The following COL15A1 variants were observed in gnomAD, a reference collection of about 807,000 sequenced individuals.
The protein encoded by COL15A1 is collagen type XV alpha 1 chain, also known as collagen alpha-1(XV) chain.
COL15A1 carries 111 observed loss-of-function variants against 165.9 expected under a neutral mutation model. The observed-to-expected ratio is 0.67, with a 90% CI of 0.57 to 0.78. COL15A1 has a LOEUF of 0.78. Ranked by LOEUF, COL15A1 falls within the 30% of genes least tolerant of loss-of-function variation. The pLI is 0.00. For synonymous variants in COL15A1, 659 were observed against 674.8 expected (o/e 0.98, Z 0.36); for missense variants, 1,745 against 1,789.7 (o/e 0.98, Z 0.45).
chr9:98,991,088 G>A (rs1383592827), intron 5 of COL15A1, among the ~76,000 whole-genome samples: 3 of 152,196 alleles, frequency 2.0e-5, no homozygotes, highest in African/African-American at 7.2e-5. Context: ...CAGGAGTGAA[G>A]CTGCAGACCC....
chr9:99,001,028 C>T (rs763287882), intron 7 of COL15A1, 77 bp downstream of exon 7: 2 of 763,458 alleles, frequency 2.6e-6, no homozygotes, highest in Non-Finnish European at 4.7e-6. Flanking sequence ...GATGATTTTA[C>T]TGAGCACCAG....
At chr9:99,054,348 G>A (rs1021245324) in intron 31 of COL15A1, among the ~76,000 whole-genome samples, 1 of 152,148 alleles carries the variant, frequency 6.6e-6, no homozygotes, top group Admixed American at 6.5e-5. Context: ...TTGCGTTACT[G>A]TGAGCTCTGT....
At chr9:99,061,352 T>C (rs1391796293) in intron 36 of COL15A1, among the ~76,000 whole-genome samples, 1 of 152,266 alleles carries the variant, frequency 6.6e-6, no homozygotes, top group Non-Finnish European at 1.5e-5. Context: ...TGCTATTCAA[T>C]AGATTTTTGT....
intron 39 of COL15A1, among the ~76,000 whole-genome samples, chr9:99,066,015 C>T (rs1175540535): frequency 6.6e-6 from 1 of 152,000 alleles, no homozygotes; most frequent in Admixed American, 6.6e-5. Context: ...TGTCCTTTGG[C>T]TTAAGATATT....
At chr9:98,947,519 T>G (rs760041885) in intron 2 of COL15A1, among the ~76,000 whole-genome samples, 2 of 152,232 alleles carry the variant, frequency 1.3e-5, no homozygotes, top group Admixed American at 6.5e-5. Flanking sequence ...GAATGTAAGC[T>G]ATGCCTCAAT....
chr9:99,062,452 G>A, intron 38 of COL15A1, 148 bp downstream of exon 38: 1 of 670,840 alleles, frequency 1.5e-6, no homozygotes, highest in Non-Finnish European at 2.7e-6. Context: ...ATTAATGGGT[G>A]CTAACAGGAG....
At chr9:98,947,196 T>A (rs538879246) in intron 2 of COL15A1, among the ~76,000 whole-genome samples, 2 of 152,276 alleles carry the variant, frequency 1.3e-5, no homozygotes, top group East Asian at 3.9e-4. Context: ...ATCCATTTAA[T>A]GGAATACTAC....
At chr9:98,951,942 G>C (rs553632544) in intron 2 of COL15A1, among the ~76,000 whole-genome samples, 19 of 152,320 alleles carry the variant, frequency 1.2e-4, no homozygotes, top group African/African-American at 4.6e-4. Flanking sequence ...CTGGGAAGCT[G>C]TCTCTCCTCT....
At chr9:98,950,693 C>T (rs1564004894) in intron 2 of COL15A1, among the ~76,000 whole-genome samples, 1 of 151,234 alleles carries the variant, frequency 6.6e-6, no homozygotes, top group Non-Finnish European at 1.5e-5. Flanking sequence ...TGGCTCACTG[C>T]AACCTCCACC....
rs143075851 is a variant in COL15A1 at position 98,989,330 on chromosome 9, C to G, written c.804+72C>G. On this transcript the variant is annotated intron_variant, in intron 5 of 41. Coordinates refer to ENST00000375001, the MANE Select transcript of COL15A1 (RefSeq NM_001855.5). The stretch of plus-strand genomic sequence containing the variant: ...AGGCTGAGAATTACTAGAGGGGGCC[C>G]AGAGTCCTGGGTCTGACCTCTTTGT... 7.1e-6 allele frequency: 9 copies of G among 1,259,650 alleles called. No individual in the cohort carries two copies. The African/African-American group carries it at 8.9e-5, about 12-fold the overall frequency. 78.0% of individuals were successfully genotyped at this position (1,259,650 alleles called of 1,614,324 possible).
At chr9:99,025,057 G>T in intron 15 of COL15A1, 58 bp downstream of exon 15, 6 of 1,556,342 alleles carry the variant, frequency 3.9e-6, no homozygotes, top group South Asian at 3.4e-5. Context: ...TTTAGCAGGG[G>T]AGGGGTGTAC....
At chr9:99,015,387 G>T (rs905967653) in intron 9 of COL15A1, 30 bp from the exon 10 acceptor site, 2 of 1,572,674 alleles carry the variant, frequency 1.3e-6, no homozygotes, top group Non-Finnish European at 1.7e-6. Flanking sequence ...GGGCGAAGGG[G>T]CACAGCTCCT....
intron 9 of COL15A1, among the ~76,000 whole-genome samples, chr9:99,005,952 T>A (rs994292702): frequency 6.6e-6 from 1 of 152,218 alleles, no homozygotes; most frequent in Admixed American, 6.5e-5. Flanking sequence ...TACCTAGCCT[T>A]GCTGACCACC....
chr9:99,059,779 G>A (rs1312761752), intron 35 of COL15A1, 110 bp from the exon 36 acceptor site: 1 of 1,204,512 alleles, frequency 8.3e-7, no homozygotes, highest in African/African-American at 1.5e-5. Context: ...GGGATGCTTT[G>A]TGGCGCTGTG....
At position 98,999,135 on chromosome 9, in the gene COL15A1, G is replaced by A. The variant is rs1238869868; in HGVS notation, c.953-1704G>A. ...TGGGACAGGAGTGGGTGGGGAGGGGGGCAGAGTCCTTTGGAGGATTTGGCA... is the reference window on the plus strand; with the variant it reads ...TGGGACAGGAGTGGGTGGGGAGGGGAGCAGAGTCCTTTGGAGGATTTGGCA... On this transcript the variant is annotated intron_variant, in intron 6 of 41. Coordinates refer to ENST00000375001, the MANE Select transcript of COL15A1 (RefSeq NM_001855.5). Among the ~76,000 whole-genome samples the A allele has an allele frequency of 3.3e-5, 5 of 152,214 alleles. No individual in the cohort carries two copies. In the East Asian group the frequency reaches 7.7e-4, roughly 23 times the overall value.
chr9:99,054,579 T>C lies in COL15A1; in HGVS notation c.2954T>C (p.Val985Ala), dbSNP rs377606508. 6.2e-7 allele frequency: 1 copy of C among 1,610,758 alleles called. No homozygotes were observed. The change falls in exon 32 of 42, where the codon GTT becomes GCT. Residue 985 changes from valine to alanine, a missense_variant. By Grantham distance (64) the Val-to-Ala change is moderately conservative. Coordinates refer to ENST00000375001, the MANE Select transcript of COL15A1 (RefSeq NM_001855.5). ...GSPELITFHG[V>A]KGEKGSWGLP... ...ACATGTATGTGTTTGGTGGCAGGTG[T>C]TAAAGGAGAGAAAGGATCCTGGGGT... is the stretch of plus-strand genomic sequence containing the variant.
chr9:99,066,624 T>TTTTTTTTTTTTTTTTTTTTTAA (rs1296354575), intron 39 of COL15A1, among the ~76,000 whole-genome samples: 1 of 141,170 alleles, frequency 7.1e-6, no homozygotes, highest in Non-Finnish European at 1.5e-5. Flanking sequence ...TTTTTTTTTT[T>TTTTTTTTTTTTTTTTTTTTTAA]CACCTAAGGA....
chr9:98,969,564 C>A (rs1838012622), intron 2 of COL15A1, among the ~76,000 whole-genome samples: 1 of 152,184 alleles, frequency 6.6e-6, no homozygotes, highest in Non-Finnish European at 1.5e-5. Flanking sequence ...TGTGGGAGAC[C>A]CCCTCTCGTT....
chr9:98,962,437 G>A (rs2118804047), intron 2 of COL15A1, among the ~76,000 whole-genome samples: 1 of 152,314 alleles, frequency 6.6e-6, no homozygotes, highest in African/African-American at 2.4e-5. Context: ...TTTATTTCCT[G>A]GAGGATTTTA....
Sources: allele counts gnomAD v4.1 joint callset (sites outside exome capture counted in the v4.1 genomes callset), GRCh38; gene constraint gnomAD v4.1.1; transcripts MANE v1.5; gene names NCBI Gene and HGNC (gene_info 2026-07-23, HGNC 2026-07-21).